The following CADPS2 variants were observed in gnomAD, a reference collection of about 807,000 sequenced individuals.
The protein encoded by CADPS2 is calcium-dependent secretion activator 2.
A neutral mutation model predicts 172.5 loss-of-function variants in CADPS2; 93 were observed. The ratio of observed to expected loss-of-function variants is 0.54; its 90% CI spans 0.46 to 0.64. The LOEUF (loss-of-function observed/expected upper bound fraction) is 0.64. Ranked by LOEUF, CADPS2 falls within the 30% of genes least tolerant of loss-of-function variation. CADPS2 has a pLI of 0.00. For missense variants in CADPS2, 1,420 were observed against 1,565.9 expected, an observed-to-expected ratio of 0.91 and a Z score of 1.57; for synonymous variants, 546 against 555.2, an observed-to-expected ratio of 0.98 and a Z score of 0.23.
rs149190898 is a variant in CADPS2 at position 122,839,966 on chromosome 7, A to C, written c.339+46033T>G. 2.2e-4 allele frequency among the ~76,000 whole-genome samples: 34 copies of C among 152,332 alleles called. 2 individuals are homozygous for C. The East Asian group carries it at 6.6e-3, about 29-fold the overall frequency. ...AAGGATTATAAATCATACCTCTATA[A>C]AGAGACATGCACACATATGTTTATT... On this transcript the variant is annotated intron_variant, in intron 1 of 29. Coordinates refer to ENST00000449022, the MANE Select transcript of CADPS2 (RefSeq NM_017954.11).
intron 1 of CADPS2, among the ~76,000 whole-genome samples, chr7:122,779,444 C>T (rs1792094378): frequency 6.6e-6 from 1 of 152,126 alleles, no homozygotes; most frequent in African/African-American, 2.4e-5. Context: ...CATTTCAAGC[C>T]TCTGCTCATA....
chr7:122,441,794 G>A (rs1353673739), intron 15 of CADPS2, among the ~76,000 whole-genome samples: 1 of 152,162 alleles, frequency 6.6e-6, no homozygotes, highest in Non-Finnish European at 1.5e-5. Context: ...GATGAAAAAG[G>A]TTTTAAACGT....
At chr7:122,397,408 T>TG (rs2045296564) in intron 20 of CADPS2, among the ~76,000 whole-genome samples, 1 of 91,242 alleles carries the variant, frequency 1.1e-5, no homozygotes, top group Non-Finnish European at 2.0e-5. Context: ...AAGGAGGGAG[T>TG]GGGGGAGAAA....
Position 122,886,371 on chromosome 7 carries a change from TC to T in CADPS2, c.-35del. On this transcript the variant is annotated 5_prime_UTR_variant, in exon 1 of 30. Transcript: ENST00000449022. ...GGGATCCCCGCCGCTCGGCCCGCGG[TC>T]CCCAAGCGCCTCACCCCCGGCGGCT... 1 of 1,485,416 alleles carries T rather than the reference TC, an allele frequency of 6.7e-7. No homozygotes were observed. The allele number at this position is 1,485,416 out of a possible 1,614,324, so 92.0% of individuals were successfully genotyped here. A position where few individuals can be genotyped will look rare whatever the true frequency, so the allele number is the denominator to read the frequency against.
intron 8 of CADPS2, among the ~76,000 whole-genome samples, chr7:122,516,039 A>C (rs1031180812): frequency 1.3e-5 from 2 of 152,144 alleles, no homozygotes; most frequent in African/African-American, 4.8e-5. Flanking sequence ...TGAAGACAGA[A>C]AGCAGGGGGA....
intron 2 of CADPS2, among the ~76,000 whole-genome samples, chr7:122,723,928 A>G (rs2090785990): frequency 1.3e-5 from 2 of 151,844 alleles, no homozygotes; most frequent in African/African-American, 4.8e-5. Flanking sequence ...TGTCACAAGG[A>G]CAGAAATCCA....
At chr7:122,474,289 T>C (rs2056357421) in intron 13 of CADPS2, 92 bp downstream of exon 13, 2 of 1,331,000 alleles carry the variant, frequency 1.5e-6, no homozygotes, top group Admixed American at 2.1e-5. Context: ...ATAACAAGTA[T>C]TTCTCACTTT....
chr7:122,644,934 T>C (rs1396656854), intron 3 of CADPS2, among the ~76,000 whole-genome samples: 1 of 152,088 alleles, frequency 6.6e-6, no homozygotes, highest in African/African-American at 2.4e-5. Flanking sequence ...ATAGCAGTTT[T>C]TCATGGATTC....
At chr7:122,351,167 C>T (rs2038507383) in intron 27 of CADPS2, among the ~76,000 whole-genome samples, 1 of 151,476 alleles carries the variant, frequency 6.6e-6, no homozygotes, top group South Asian at 2.1e-4. Flanking sequence ...AGATAAGAGA[C>T]CATCCTGGCT....
intron 14 of CADPS2, among the ~76,000 whole-genome samples, chr7:122,455,427 A>C (rs1436523810): frequency 6.6e-6 from 1 of 151,438 alleles, no homozygotes; most frequent in Non-Finnish European, 1.5e-5. Flanking sequence ...ATATTTAATA[A>C]AAATGTTTTA....
At chr7:122,603,007 T>C (rs1029718211) in intron 6 of CADPS2, among the ~76,000 whole-genome samples, 2 of 152,084 alleles carry the variant, frequency 1.3e-5, no homozygotes, top group African/African-American at 4.8e-5. Flanking sequence ...CAGGCTATTA[T>C]GCTGCAAGGC....
chr7:122,856,299 A>T (rs191185231), intron 1 of CADPS2, among the ~76,000 whole-genome samples: 1 of 152,296 alleles, frequency 6.6e-6, no homozygotes, highest in Admixed American at 6.5e-5. Context: ...TGTGCTTCAC[A>T]TCTTGGTAGT....
At chr7:122,643,560 T>C (rs1006632396) in intron 3 of CADPS2, among the ~76,000 whole-genome samples, 1 of 152,216 alleles carries the variant, frequency 6.6e-6, no homozygotes, top group Admixed American at 6.5e-5. Flanking sequence ...CTTTCAAGCA[T>C]CTCACAATGA....
intron 1 of CADPS2, among the ~76,000 whole-genome samples, chr7:122,877,757 A>T (rs1203685242): frequency 6.6e-6 from 1 of 152,198 alleles, no homozygotes; most frequent in East Asian, 1.9e-4. Flanking sequence ...ATTGTTTCCC[A>T]AACAGGTTTA....
intron 1 of CADPS2, among the ~76,000 whole-genome samples, chr7:122,791,300 G>A (rs1045418791): frequency 6.6e-5 from 10 of 151,826 alleles, no homozygotes; most frequent in South Asian, 2.1e-4. Context: ...AGGAAACCAC[G>A]GATGGTATGA....
intron 1 of CADPS2, among the ~76,000 whole-genome samples, chr7:122,860,738 C>A (rs1034950409): frequency 6.6e-6 from 1 of 152,076 alleles, no homozygotes; most frequent in Non-Finnish European, 1.5e-5. Context: ...CCCCTGTACC[C>A]AATACTTTTC....
rs753296778 is a variant in CADPS2 at position 122,393,201 on chromosome 7, C to T, written c.3003G>A (p.Glu1001=). The stretch of plus-strand genomic sequence containing the variant: ...AATAAGTGAGGAATACACACGTGGA[C>T]TCATATAAAGAAGGCATCCACGAAG... ...STASWMPSLY[E]STNGSATSED... is the part of the protein sequence containing the mutation. Residue 1001 remains glutamate, a synonymous_variant, in exon 22 of 30, where the codon GAG becomes GAA. Transcript: ENST00000449022. 6.2e-7 allele frequency: 1 copy of T among 1,613,438 alleles called. No homozygotes were observed. Among genetic ancestry groups the T allele is most frequent in the East Asian group, 2.2e-5 (1 of 44,878 alleles).
rs149385551 is a variant in CADPS2, at chr7:122,441,584, A to C, written c.2289-9T>G. The stretch of plus-strand genomic sequence containing the variant: ...CAAAGGGAAAACAGTATCTTTAAAA[A>C]CAAAAGAAAGAACAAAAGAGTCAAA... On this transcript the variant is annotated splice_polypyrimidine_tract_variant and intron_variant, in intron 15 of 29. Transcript: ENST00000449022. 4.2e-5 allele frequency: 64 copies of C among 1,520,200 alleles called. 1 individual carries two copies. In the African/African-American group the frequency reaches 5.0e-4, roughly 12 times the overall value. The allele number at this position is 1,520,200 out of a possible 1,614,324, so 94.2% of individuals were successfully genotyped here. A position where few individuals can be genotyped will look rare whatever the true frequency, so the allele number is the denominator to read the frequency against.
chr7:122,496,479 C>T (rs990982066), intron 9 of CADPS2, among the ~76,000 whole-genome samples: 9 of 152,140 alleles, frequency 5.9e-5, no homozygotes, highest in African/African-American at 1.7e-4. Context: ...TTTTTTTAAA[C>T]TCATATAATT....
Sources: allele counts gnomAD v4.1 joint callset (sites outside exome capture counted in the v4.1 genomes callset), GRCh38; gene constraint gnomAD v4.1.1; transcripts MANE v1.5; gene names NCBI Gene and HGNC (gene_info 2026-07-23, HGNC 2026-07-21).